The following NTNG1 variants were observed in gnomAD, a reference collection of about 807,000 sequenced individuals.
The protein encoded by NTNG1 is netrin-G1.
NTNG1 carries 16 observed loss-of-function variants against 54.0 expected under a neutral mutation model. The ratio of observed to expected loss-of-function variants is 0.30; its 90% CI spans 0.20 to 0.45. The LOEUF (loss-of-function observed/expected upper bound fraction) is 0.45. NTNG1 is among the 20% of genes least tolerant of loss of function. The pLI, the probability that NTNG1 is intolerant of heterozygous loss-of-function variation, is 1.00. For synonymous variants in NTNG1, 255 were observed against 263.1 expected, an observed-to-expected ratio of 0.97 and a Z score of 0.30; for missense variants, 530 against 678.7, an observed-to-expected ratio of 0.78 and a Z score of 2.43.
chr1:107,145,733 T>A (rs947978727), intron 1 of NTNG1, among the ~76,000 whole-genome samples: 1 of 152,122 alleles, frequency 6.6e-6, no homozygotes, highest in Admixed American at 6.5e-5. Flanking sequence ...AGAATGTCTG[T>A]TGCACAGTCC....
chr1:107,419,817 T>C (rs536779407), intron 5 of NTNG1, among the ~76,000 whole-genome samples: 6 of 152,154 alleles, frequency 3.9e-5, no homozygotes, highest in African/African-American at 7.2e-5. Flanking sequence ...TTTTCAGTCC[T>C]TGATCAGAGT....
Position 107,144,922 on chromosome 1 carries a change from G to A in NTNG1, c.-525-3147G>A, listed in dbSNP as rs542424356. Among the ~76,000 whole-genome samples the A allele has an allele frequency of 5.3e-5, 8 of 152,150 alleles. No individual in the cohort carries two copies. The East Asian group carries it at 1.2e-3, about 22-fold the overall frequency. On this transcript the variant is annotated intron_variant, in intron 1 of 7. Transcript: ENST00000370068. ...ACAGTGAGTTCCCAAGGTCTGCAAAGTGAAGAGGTAGAACTGGAGCTGCCC... is the reference window on the plus strand; with the variant it reads ...ACAGTGAGTTCCCAAGGTCTGCAAAATGAAGAGGTAGAACTGGAGCTGCCC...
chr1:107,154,723 A>G (rs1026662013), intron 2 of NTNG1, among the ~76,000 whole-genome samples: 1 of 151,158 alleles, frequency 6.6e-6, no homozygotes, highest in African/African-American at 2.4e-5. Flanking sequence ...GCCAGGATGG[A>G]AGAGGAACAA....
At chr1:107,475,085 A>G (rs935493813) in intron 7 of NTNG1, among the ~76,000 whole-genome samples, 2 of 152,324 alleles carry the variant, frequency 1.3e-5, no homozygotes, top group Middle Eastern at 3.4e-3. Context: ...ATGAGTAACA[A>G]TTGATACTAT....
intron 2 of NTNG1, among the ~76,000 whole-genome samples, chr1:107,299,739 G>A (rs1037617012): frequency 6.6e-6 from 1 of 152,144 alleles, no homozygotes; most frequent in African/African-American, 2.4e-5. Flanking sequence ...GCATCATTGT[G>A]ATCGCTTTAT....
intron 2 of NTNG1, among the ~76,000 whole-genome samples, chr1:107,161,647 T>C (rs1206704772): frequency 7.0e-6 from 1 of 143,144 alleles, no homozygotes; most frequent in Non-Finnish European, 1.5e-5. Context: ...GGTGACAGAG[T>C]GAAACTGTGT....
At chr1:107,310,462 C>G (rs1015066265) in intron 2 of NTNG1, among the ~76,000 whole-genome samples, 1 of 152,074 alleles carries the variant, frequency 6.6e-6, no homozygotes, top group African/African-American at 2.4e-5. Flanking sequence ...ATTTAATTTA[C>G]TTTGGTTCAT....
At chr1:107,366,147 A>C (rs1423322148) in intron 3 of NTNG1, among the ~76,000 whole-genome samples, 1 of 152,144 alleles carries the variant, frequency 6.6e-6, no homozygotes. Context: ...TAATATTTTT[A>C]ATGGTATTGT....
intron 3 of NTNG1, among the ~76,000 whole-genome samples, chr1:107,368,562 A>G (rs1369905301): frequency 6.6e-6 from 1 of 152,338 alleles, no homozygotes; most frequent in East Asian, 1.9e-4. Flanking sequence ...TAGAGCCACC[A>G]TGAAGTAACA....
intron 2 of NTNG1, among the ~76,000 whole-genome samples, chr1:107,221,368 T>C (rs1660332634): frequency 6.6e-6 from 1 of 152,160 alleles, no homozygotes; most frequent in Non-Finnish European, 1.5e-5. Flanking sequence ...AGCAAACACC[T>C]GCAAGGCAAA....
At chr1:107,287,130 A>G (rs558889760) in intron 2 of NTNG1, among the ~76,000 whole-genome samples, 45 of 152,096 alleles carry the variant, frequency 3.0e-4, no homozygotes, top group African/African-American at 9.4e-4. Flanking sequence ...TTTATTTATA[A>G]GAAGAAGAAT....
At chr1:107,437,877 CAT>C (rs1425486226) in intron 7 of NTNG1, among the ~76,000 whole-genome samples, 1 of 152,084 alleles carries the variant, frequency 6.6e-6, no homozygotes, top group Non-Finnish European at 1.5e-5. Context: ...TTAATAGCCA[CAT>C]GTGTCTACCA....
chr1:107,213,340 A>G (rs577881031), intron 2 of NTNG1, among the ~76,000 whole-genome samples: 1 of 152,250 alleles, frequency 6.6e-6, no homozygotes, highest in South Asian at 2.1e-4. Context: ...GTTAAAGGAC[A>G]TATTATTAAG....
intron 2 of NTNG1, among the ~76,000 whole-genome samples, chr1:107,186,377 C>T (rs1657462117): frequency 6.6e-6 from 1 of 152,142 alleles, no homozygotes; most frequent in Non-Finnish European, 1.5e-5. Context: ...AAAAGAGATA[C>T]TAAAACTATG....
At chr1:107,388,451 T>C (rs1417043136) in intron 3 of NTNG1, among the ~76,000 whole-genome samples, 1 of 152,238 alleles carries the variant, frequency 6.6e-6, no homozygotes, top group Non-Finnish European at 1.5e-5. Context: ...TCTAAATCCC[T>C]GCTCCATTTT....
In NTNG1 at chr1:107,484,844, T is replaced by C. The variant is rs1678935591; in HGVS notation, c.*4004T>C. ...GGGATGCTCTGTACTATATGGGAAA[T>C]GGGTTGTTGTACTTTACCGGTTGTT... is the stretch of plus-strand genomic sequence containing the variant. On this transcript the variant is annotated 3_prime_UTR_variant, in exon 8 of 8. Coordinates refer to ENST00000370068, the MANE Select transcript of NTNG1 (RefSeq NM_001113226.3). Among the ~76,000 whole-genome samples, 1 of 152,216 alleles carries C rather than the reference T, an allele frequency of 6.6e-6. No individual in the cohort carries two copies. Among genetic ancestry groups the C allele is most frequent in the Admixed American group, 6.5e-5 (1 of 15,282 alleles).
At chr1:107,160,427 T>C (rs1480963564) in intron 2 of NTNG1, among the ~76,000 whole-genome samples, 1 of 152,186 alleles carries the variant, frequency 6.6e-6, no homozygotes, top group Non-Finnish European at 1.5e-5. Context: ...CAGCTGTGTC[T>C]CTAGGCTAGA....
At chr1:107,195,724 T>C (rs1168097488) in intron 2 of NTNG1, among the ~76,000 whole-genome samples, 3 of 152,144 alleles carry the variant, frequency 2.0e-5, no homozygotes, top group South Asian at 2.1e-4. Context: ...ATTTCAGGTA[T>C]GTTCAGGCCC....
chr1:107,480,044 C>G (rs1332466434), intron 7 of NTNG1, among the ~76,000 whole-genome samples: 2 of 152,080 alleles, frequency 1.3e-5, no homozygotes, highest in Non-Finnish European at 2.9e-5. Flanking sequence ...CTGGCTGCCG[C>G]CTGCCTGGAG....
Sources: gnomAD v4.1 joint callset for allele counts (sites outside exome capture counted in the v4.1 genomes callset) on GRCh38, gnomAD v4.1.1 for gene constraint, MANE v1.5 for transcripts, NCBI Gene and HGNC (gene_info 2026-07-23, HGNC 2026-07-21) for gene names.